AP3S1: variants seen among roughly 807,000 people sequenced by gnomAD.
AP3S1 encodes the protein AP-3 complex subunit sigma-1.
AP3S1 carries 12 observed loss-of-function variants against 21.3 expected under a neutral mutation model. The observed-to-expected ratio is 0.56, with a 90% CI of 0.36 to 0.91. The LOEUF is 0.91. Among genes scored for constraint, AP3S1 ranks in the 40% least tolerant of loss-of-function variants. AP3S1 has a pLI of 0.01. For missense variants in AP3S1, 116 were observed against 225.0 expected, an observed-to-expected ratio of 0.52 and a Z score of 3.10; for synonymous variants, 48 against 78.4, an observed-to-expected ratio of 0.61 and a Z score of 2.05.
chr5:115,852,155 T>C (rs757241630), intron 1 of AP3S1, among the ~76,000 whole-genome samples: 4 of 152,156 alleles, frequency 2.6e-5, no homozygotes, highest in Non-Finnish European at 4.4e-5. Flanking sequence ...CAAATACTCT[T>C]TGTGTTTTCT....
At chr5:115,884,163 C>T (rs945490630) in intron 3 of AP3S1, among the ~76,000 whole-genome samples, 3 of 152,006 alleles carry the variant, frequency 2.0e-5, no homozygotes, top group Admixed American at 6.5e-5. Flanking sequence ...GTATTTTAAA[C>T]GGAATTTATA....
chr5:115,909,565 T>C (rs535485459), intron 5 of AP3S1, among the ~76,000 whole-genome samples: 1 of 152,332 alleles, frequency 6.6e-6, no homozygotes, highest in Non-Finnish European at 1.5e-5. Flanking sequence ...TTTGGATTCA[T>C]ATATTTGTTT....
chr5:115,906,994 C>T, intron 5 of AP3S1: 1 of 1,246,710 alleles, frequency 8.0e-7, no homozygotes, highest in Non-Finnish European at 1.0e-6. Flanking sequence ...AGCCTATTTT[C>T]CATTCTAGTT....
At chr5:115,853,066 A>C (rs1006142156) in intron 1 of AP3S1, 27 of 447,930 alleles carry the variant, frequency 6.0e-5, no homozygotes, top group Non-Finnish European at 2.7e-5. Flanking sequence ...TTCTAAAGTG[A>C]CTGTACCATT....
At chr5:115,854,223 C>T (rs1261297612) in intron 1 of AP3S1, among the ~76,000 whole-genome samples, 2 of 152,082 alleles carry the variant, frequency 1.3e-5, no homozygotes, top group African/African-American at 2.4e-5. Context: ...AACACTGTTG[C>T]GTTGGAGATT....
intron 1 of AP3S1, among the ~76,000 whole-genome samples, chr5:115,856,365 G>T (rs1396313633): frequency 6.6e-6 from 1 of 150,872 alleles, no homozygotes; most frequent in Non-Finnish European, 1.5e-5. Flanking sequence ...ATGGGGTACA[G>T]TGTGATGTTT....
chr5:115,907,127 C>A, intron 5 of AP3S1: 2 of 416,072 alleles, frequency 4.8e-6, no homozygotes, highest in Non-Finnish European at 6.5e-6. Flanking sequence ...TTTTTTTAAA[C>A]ACTTGTCATC....
At chr5:115,909,973 G>A (rs1024459178) in intron 5 of AP3S1, among the ~76,000 whole-genome samples, 2 of 152,112 alleles carry the variant, frequency 1.3e-5, no homozygotes, top group African/African-American at 4.8e-5. Context: ...TGCAATAAAA[G>A]TCATGTGAGG....
chr5:115,901,568 T>A (rs964858782), intron 4 of AP3S1, among the ~76,000 whole-genome samples: 15 of 151,434 alleles, frequency 9.9e-5, no homozygotes, highest in East Asian at 7.8e-4. Flanking sequence ...TTTTTTTTTT[T>A]AATTGAGGCA....
intron 1 of AP3S1, among the ~76,000 whole-genome samples, chr5:115,858,828 C>T (rs1388226370): frequency 6.7e-6 from 1 of 150,200 alleles, no homozygotes; most frequent in Non-Finnish European, 1.5e-5. Flanking sequence ...TTTCTTACTT[C>T]TCTTATATTA....
chr5:115,882,287 C>G (rs1033835550), intron 3 of AP3S1, among the ~76,000 whole-genome samples: 2 of 152,022 alleles, frequency 1.3e-5, no homozygotes, highest in Admixed American at 6.6e-5. Flanking sequence ...GGCAGTCTGG[C>G]TTTTGGAATT....
In AP3S1 at chr5:115,847,661, CAAA is replaced by C. The variant is rs36014273; in HGVS notation, c.69+5562_69+5564del. ...TATGTTTTTATTGAGGTATAGATGA[CAAA>C]AAAAAATTACATATATTTACCGTGT... On this transcript the variant is annotated intron_variant, in intron 1 of 5. Transcript: ENST00000316788. Among the ~76,000 whole-genome samples the C allele has an allele frequency of 7.3e-5, 11 of 150,608 alleles. No individual in the cohort carries two copies. The South Asian group carries it at 1.5e-3, about 20-fold the overall frequency.
At chr5:115,899,049 C>G (rs370340862) in intron 4 of AP3S1, among the ~76,000 whole-genome samples, 1 of 152,190 alleles carries the variant, frequency 6.6e-6, no homozygotes, top group Non-Finnish European at 1.5e-5. Flanking sequence ...AGAATGACAG[C>G]TGTTAATATA....
intron 3 of AP3S1, among the ~76,000 whole-genome samples, chr5:115,894,357 C>G (rs754638624): frequency 6.6e-6 from 1 of 152,210 alleles, no homozygotes; most frequent in Non-Finnish European, 1.5e-5. Flanking sequence ...CAGGCATTCA[C>G]TATAAATCAC....
chr5:115,858,460 CAG>C lies in AP3S1; in HGVS notation c.70-8207_70-8206del, dbSNP rs1176118445. ...AAGTTGTAGATTCCTGTTTTTTGGGCAGAGTTTCTACAGTTTCACAGACCCTT... is the reference window on the plus strand; with the variant it reads ...AAGTTGTAGATTCCTGTTTTTTGGGCAGTTTCTACAGTTTCACAGACCCTT... On this transcript the variant is annotated intron_variant, in intron 1 of 5. Transcript: ENST00000316788. Among the ~76,000 whole-genome samples, 6 of 152,236 alleles carry C rather than the reference CAG, an allele frequency of 3.9e-5. No individual in the cohort carries two copies. The East Asian group carries it at 7.7e-4, about 20-fold the overall frequency.
intron 1 of AP3S1, among the ~76,000 whole-genome samples, chr5:115,860,081 A>G (rs1038473023): frequency 2.0e-5 from 3 of 152,120 alleles, no homozygotes; most frequent in Non-Finnish European, 4.4e-5. Context: ...GAGAGAATCT[A>G]TGTTCTTGTC....
intron 1 of AP3S1, among the ~76,000 whole-genome samples, chr5:115,856,927 CTT>C (rs1282376360): frequency 1.3e-5 from 2 of 152,164 alleles, no homozygotes; most frequent in African/African-American, 4.8e-5. Context: ...CTGACTGAAA[CTT>C]TGTGCCCTTT....
intron 3 of AP3S1, among the ~76,000 whole-genome samples, chr5:115,870,570 C>T (rs750834300): frequency 2.6e-5 from 4 of 152,182 alleles, no homozygotes; most frequent in East Asian, 1.9e-4. Flanking sequence ...GATGATACTA[C>T]GTGCAACCCT....
intron 3 of AP3S1, among the ~76,000 whole-genome samples, chr5:115,873,414 T>G (rs143398964): frequency 3.6e-3 from 543 of 152,332 alleles, no homozygotes; most frequent in African/African-American, 0.012. Flanking sequence ...ATTTTCCGAT[T>G]ACTAAAGTAG....
Sources: gnomAD v4.1 joint callset for allele counts (sites outside exome capture counted in the v4.1 genomes callset) on GRCh38, gnomAD v4.1.1 for gene constraint, MANE v1.5 for transcripts, NCBI Gene and HGNC (gene_info 2026-07-23, HGNC 2026-07-21) for gene names.